SVIL: variants seen among roughly 807,000 people sequenced by gnomAD.
SVIL encodes the protein supervillin, also known as archvillin.
A neutral mutation model predicts 240.4 loss-of-function variants in SVIL; 101 were observed. The ratio of observed to expected loss-of-function variants is 0.42; its 90% CI spans 0.36 to 0.50. The LOEUF is 0.50. Ranked by LOEUF, SVIL falls within the 20% of genes least tolerant of loss-of-function variation. The probability of loss-of-function intolerance (pLI) is 0.01; values close to 1 mark genes in which losing one functional copy is unlikely to be tolerated. For missense variants in SVIL, 2,512 were observed against 2,818.7 expected (o/e 0.89, Z 2.46); for synonymous variants, 999 against 1,100.0 (o/e 0.91, Z 1.82).
intron 1 of SVIL, among the ~76,000 whole-genome samples, chr10:29,732,292 G>T (rs961478830): frequency 3.7e-4 from 56 of 152,064 alleles, no homozygotes; most frequent in African/African-American, 1.3e-3. Flanking sequence ...TCTTTATGTT[G>T]CTTTAGTCCA....
intron 10 of SVIL, among the ~76,000 whole-genome samples, chr10:29,531,014 T>C (rs1253182411): frequency 6.6e-6 from 1 of 152,214 alleles, no homozygotes; most frequent in Non-Finnish European, 1.5e-5. Context: ...GCTCCTTTGG[T>C]TTGAATTAGT....
chr10:29,471,248 C>A lies in SVIL; in HGVS notation c.5530-5G>T. On this transcript the variant is annotated splice_region_variant and splice_polypyrimidine_tract_variant and intron_variant, in intron 30 of 37. Transcript: ENST00000355867. ...CTTTCCCTGGAGAACCTGGACCTTC[C>A]GATTTAAACAGAGGTAAATAGGTAA... 6.2e-7 allele frequency: 1 copy of A among 1,606,040 alleles called. No individual in the cohort carries two copies. The highest frequency in any genetic ancestry group is 1.7e-4 in the Middle Eastern group (1 of 6,028).
intron 3 of SVIL, among the ~76,000 whole-genome samples, chr10:29,645,809 CA>C (rs1314104525): frequency 6.6e-6 from 1 of 152,170 alleles, no homozygotes; most frequent in African/African-American, 2.4e-5. Context: ...TTAGCAAGTA[CA>C]AGTAATTCCC....
intron 1 of SVIL, among the ~76,000 whole-genome samples, chr10:29,630,575 C>T (rs571153393): frequency 2.6e-5 from 4 of 152,174 alleles, no homozygotes; most frequent in African/African-American, 9.6e-5. Context: ...AATTGCACCA[C>T]TAGATGAGTT....
At chr10:29,548,965 T>C (rs1952952865) in intron 6 of SVIL, among the ~76,000 whole-genome samples, 1 of 152,176 alleles carries the variant, frequency 6.6e-6, no homozygotes, top group Non-Finnish European at 1.5e-5. Flanking sequence ...GGCAAGGACT[T>C]CATGTCTAAA....
intron 1 of SVIL, among the ~76,000 whole-genome samples, chr10:29,604,051 C>T (rs931227944): frequency 6.6e-6 from 1 of 152,140 alleles, no homozygotes; most frequent in East Asian, 1.9e-4. Flanking sequence ...TTACAGTAGT[C>T]GCCCCATGTC....
Position 29,610,046 on chromosome 10 carries a change from C to T in SVIL, c.-201+24374G>A, listed in dbSNP as rs116875952. Among the ~76,000 whole-genome samples the T allele has an allele frequency of 1.2e-3, 179 of 152,316 alleles. 4 individuals are homozygous for T. In the East Asian group the frequency reaches 0.032, roughly 27 times the overall value. ...CCCTGAGAGACTGGTAAGGACTGGA[C>T]AGGCTCATCACCGTGAAGTCAGAGC... On this transcript the variant is annotated intron_variant, in intron 1 of 37. Coordinates refer to ENST00000355867, the MANE Select transcript of SVIL (RefSeq NM_021738.3).
intron 29 of SVIL, among the ~76,000 whole-genome samples, chr10:29,476,591 C>A (rs1386940556): frequency 2.6e-5 from 4 of 151,898 alleles, no homozygotes; most frequent in Non-Finnish European, 4.4e-5. Context: ...TTTGTATAAA[C>A]AAGGTCTCTC....
rs757647248 is a variant in SVIL at position 29,493,230 on chromosome 10, C to A, written c.4003G>T (p.Asp1335Tyr). Residue 1335 changes from aspartate to tyrosine, a missense_variant, in exon 21 of 38, where the codon GAT becomes TAT. Physicochemically the swap from Asp to Tyr is radical, Grantham distance 160 (BLOSUM62 -3). This residue lies in a region of SVIL where 272 missense variants were observed against 406.8 expected (regional missense o/e 0.67). Coordinates refer to ENST00000355867, the MANE Select transcript of SVIL (RefSeq NM_021738.3). ...ATAACTCACTTGGGTGCATAAGGAT[C>A]GAAAATGACATCGAAGTCCTCATCC... is the stretch of plus-strand genomic sequence containing the variant. ...EMDEDFDVIF[D>Y]PYAPKLTSSV... is the part of the protein sequence containing the mutation. The A allele has an allele frequency of 1.2e-6, 2 of 1,613,968 alleles. No homozygotes were observed. The highest frequency in any genetic ancestry group is 1.7e-6 in the Non-Finnish European group (2 of 1,179,954).
chr10:29,623,700 A>C (rs763691042), intron 1 of SVIL, among the ~76,000 whole-genome samples: 1 of 152,222 alleles, frequency 6.6e-6, no homozygotes, highest in Middle Eastern at 3.4e-3. Flanking sequence ...AATACAAAAA[A>C]AATTAGCCAG....
At chr10:29,726,860 G>A (rs1184611291) in intron 1 of SVIL, among the ~76,000 whole-genome samples, 2 of 152,154 alleles carry the variant, frequency 1.3e-5, no homozygotes, top group Admixed American at 6.5e-5. Context: ...TGGCAGCACC[G>A]CCATCATGGC....
rs1328323 is a variant in SVIL at position 29,532,594 on chromosome 10, T to G, written c.1773A>C (p.Lys591Asn). 6.2e-7 allele frequency: 1 copy of G among 1,613,726 alleles called. No homozygotes were observed. Among genetic ancestry groups the G allele is most frequent in the South Asian group, 1.1e-5 (1 of 91,082 alleles). The change falls in exon 8 of 38, where the codon AAA becomes AAC. Residue 591 changes from lysine to asparagine, a missense_variant. By Grantham distance (94) the Lys-to-Asn change is moderately conservative. Transcript: ENST00000355867. The stretch of plus-strand genomic sequence containing the variant: ...CACTTCGGAGCTGGGCGACAGAGAC[T>G]TTTGTGTCCAGCATGCTGATCTCCC... ...PYGEISMLDT[K>N]VSVAQLRSAF... is the part of the protein sequence containing the mutation.
chr10:29,509,337 G>GAGAGAGAGAA (rs1949632640), intron 17 of SVIL, among the ~76,000 whole-genome samples: 1 of 49,152 alleles, frequency 2.0e-5, no homozygotes, highest in African/African-American at 1.0e-4. Context: ...GAGGGAGAGA[G>GAGAGAGAGAA]AGAGAGAGAG....
intron 1 of SVIL, among the ~76,000 whole-genome samples, chr10:29,605,676 TC>T (rs1319685382): frequency 6.7e-6 from 1 of 149,546 alleles, no homozygotes; most frequent in East Asian, 1.9e-4. Flanking sequence ...GTGGGTTTTT[TC>T]CCCTTAGTGG....
intron 1 of SVIL, among the ~76,000 whole-genome samples, chr10:29,695,658 T>G (rs1181821390): frequency 6.6e-6 from 1 of 151,992 alleles, no homozygotes; most frequent in African/African-American, 2.4e-5. Flanking sequence ...GTGGGAGAAT[T>G]GCTTGAACCC....
intron 1 of SVIL, among the ~76,000 whole-genome samples, chr10:29,587,998 C>T (rs1032639905): frequency 8.5e-5 from 13 of 152,180 alleles, no homozygotes; most frequent in African/African-American, 1.9e-4. Context: ...CACTGTACTA[C>T]GCATACAAGG....
intron 3 of SVIL, among the ~76,000 whole-genome samples, chr10:29,657,611 CCTAT>C (rs1161285123): frequency 6.6e-6 from 1 of 152,132 alleles, no homozygotes; most frequent in African/African-American, 2.4e-5. Context: ...ATGTAAAGGT[CCTAT>C]CTAATTCACA....
intron 1 of SVIL, among the ~76,000 whole-genome samples, chr10:29,587,927 T>C (rs1039994067): frequency 6.6e-6 from 1 of 152,130 alleles, no homozygotes; most frequent in African/African-American, 2.4e-5. Context: ...ATTACAAATA[T>C]TCATTATTTT....
intron 11 of SVIL, 52 bp from the exon 12 acceptor site, chr10:29,529,896 C>A (rs760918891): frequency 1.3e-6 from 2 of 1,533,582 alleles, no homozygotes; most frequent in Non-Finnish European, 1.8e-6. Context: ...AAGAGCTGGG[C>A]ACGGTGGCTC....
Sources: allele counts gnomAD v4.1 joint callset (sites outside exome capture counted in the v4.1 genomes callset), GRCh38; gene constraint gnomAD v4.1.1; regional missense constraint gnomAD v4.1.1; transcripts MANE v1.5; gene names NCBI Gene and HGNC (gene_info 2026-07-23, HGNC 2026-07-21).